FAM91A1: variants seen among roughly 807,000 people sequenced by gnomAD.
FAM91A1 encodes the protein protein FAM91A1.
In FAM91A1, 41 loss-of-function variants were observed where a neutral mutation model predicts 113.5. The ratio of observed to expected loss-of-function variants is 0.36; its 90% CI spans 0.28 to 0.47. The LOEUF is 0.47. FAM91A1 is among the 20% of genes least tolerant of loss of function. FAM91A1 has a pLI of 1.00. For synonymous variants in FAM91A1, 307 were observed against 347.9 expected, an observed-to-expected ratio of 0.88 and a Z score of 1.31; for missense variants, 696 against 1,001.2, an observed-to-expected ratio of 0.70 and a Z score of 4.11.
Position 123,808,428 on chromosome 8 carries a change from A to G in FAM91A1, c.2137+52A>G, listed in dbSNP as rs1815867262. On this transcript the variant is annotated intron_variant, in intron 21 of 23. Coordinates refer to ENST00000334705, the MANE Select transcript of FAM91A1 (RefSeq NM_144963.4). ...TTATTAGACTAATTTCTGAGGTTTA[A>G]CTTTTATGTTAAGGCATTTGCATGC... The G allele has an allele frequency of 2.7e-6, 4 of 1,483,104 alleles. No individual in the cohort carries two copies. The African/African-American group carries it at 5.6e-5, about 21-fold the overall frequency. The allele number at this position is 1,483,104 out of a possible 1,614,324, so 91.9% of individuals were successfully genotyped here.
chr8:123,785,792 C>T (rs1815238802), intron 11 of FAM91A1, 51 bp downstream of exon 11: 3 of 1,023,906 alleles, frequency 2.9e-6, no homozygotes, highest in Non-Finnish European at 4.2e-6. Context: ...TTTGAAAAGA[C>T]ATTTAATTTT....
rs187933162 is a variant in FAM91A1, at chr8:123,810,300, T to C, written c.2280T>C (p.His760=). 190 of 1,611,436 alleles carry C rather than the reference T, an allele frequency of 1.2e-4. No homozygotes were observed. In the East Asian group the frequency reaches 3.9e-3, roughly 33 times the overall value. ...TTTTCAGCCTTCAAAACCTCTTACATTCCAGTAGAAAACTCTCTCTGCAAG... is the reference window on the plus strand; with the variant it reads ...TTTTCAGCCTTCAAAACCTCTTACACTCCAGTAGAAAACTCTCTCTGCAAG... ...CRKESLQNLL[H]SSRKLSLQVL... is the part of the protein sequence containing the mutation. Residue 760 remains histidine, a synonymous_variant, in exon 23 of 24, where the codon CAT becomes CAC. Transcript: ENST00000334705.
chr8:123,772,816 A>G (rs1814887290), intron 1 of FAM91A1, among the ~76,000 whole-genome samples: 1 of 152,218 alleles, frequency 6.6e-6, no homozygotes, highest in Non-Finnish European at 1.5e-5. Context: ...TGTATGTTAT[A>G]TATATTGTTA....
chr8:123,775,164 G>T lies in FAM91A1; in HGVS notation c.175G>T (p.Asp59Tyr). 2 of 1,608,168 alleles carry T rather than the reference G, an allele frequency of 1.2e-6. No homozygotes were observed. The highest frequency in any genetic ancestry group is 1.7e-6 in the Non-Finnish European group (2 of 1,177,252). Residue 59 changes from aspartate to tyrosine, a missense_variant, in exon 3 of 24, where the codon GAT becomes TAT. By Grantham distance (160) the Asp-to-Tyr change is radical. Coordinates refer to ENST00000334705, the MANE Select transcript of FAM91A1 (RefSeq NM_144963.4). The stretch of plus-strand genomic sequence containing the variant: ...TTGTGCAGTTAAACATGTCAAGAAA[G>T]ATGAACGCAGATACTATGAGGAACT... ...RNNLVKHVKK[D>Y]ERRYYEELLK...
At chr8:123,799,675 T>C in intron 17 of FAM91A1, 21 bp downstream of exon 17, 1 of 1,612,962 alleles carries the variant, frequency 6.2e-7, no homozygotes, top group African/African-American at 1.3e-5. Flanking sequence ...GAGGTTTGGG[T>C]GGTTTTTTTA....
chr8:123,784,978 T>A (rs371836982), intron 9 of FAM91A1, 103 bp from the exon 10 acceptor site: 9 of 774,388 alleles, frequency 1.2e-5, no homozygotes, highest in East Asian at 2.8e-5. Context: ...TAATTATTCA[T>A]AACTTAAAAT....
chr8:123,791,709 T>C (rs1815389308), intron 15 of FAM91A1, among the ~76,000 whole-genome samples: 1 of 152,174 alleles, frequency 6.6e-6, no homozygotes, highest in Admixed American at 6.6e-5. Context: ...CGTGACTATT[T>C]CTCAGTTTTT....
chr8:123,810,376 T>C (rs199894072), intron 23 of FAM91A1, 25 bp downstream of exon 23: 1 of 1,605,732 alleles, frequency 6.2e-7, no homozygotes, highest in Non-Finnish European at 8.5e-7. Flanking sequence ...AAAGTCCAAA[T>C]GGTACTTGTA....
At chr8:123,808,647 C>A in intron 21 of FAM91A1, 1 of 503,766 alleles carries the variant, frequency 2.0e-6, no homozygotes, top group East Asian at 3.3e-5. Flanking sequence ...CAAATGACTA[C>A]TTTGAACATT....
At position 123,814,877 on chromosome 8, in the gene FAM91A1, G is replaced by A. The variant is rs1236526744; in HGVS notation, c.*2173G>A. ...AAGGTAAATTTAAAATGCAGACTTT[G>A]TTATTTGCCAAAGAAGATTCATGAA... On this transcript the variant is annotated 3_prime_UTR_variant, in exon 24 of 24. Coordinates refer to ENST00000334705, the MANE Select transcript of FAM91A1 (RefSeq NM_144963.4). 1 of 152,576 alleles carries A rather than the reference G, an allele frequency of 6.6e-6. No homozygotes were observed. The highest frequency in any genetic ancestry group is 2.4e-5 in the African/African-American group (1 of 41,446). The allele number at this position is 152,576 out of a possible 1,614,324, so 9.5% of individuals were successfully genotyped here.
At chr8:123,777,030 G>T (rs1392405191) in intron 3 of FAM91A1, among the ~76,000 whole-genome samples, 1 of 152,162 alleles carries the variant, frequency 6.6e-6, no homozygotes, top group Non-Finnish European at 1.5e-5. Flanking sequence ...AGCTGCCTGG[G>T]ATTCGTAGAG....
At chr8:123,805,910 A>T (rs1815791499) in intron 19 of FAM91A1, among the ~76,000 whole-genome samples, 170 bp from the exon 20 acceptor site, 1 of 152,212 alleles carries the variant, frequency 6.6e-6, no homozygotes, top group Admixed American at 6.5e-5. Flanking sequence ...GTACATTGTT[A>T]GCTTTAGTTT....
Position 123,807,419 on chromosome 8 carries a change from G to C in FAM91A1, c.2033-853G>C, listed in dbSNP as rs550575810. On this transcript the variant is annotated intron_variant, in intron 20 of 23. Coordinates refer to ENST00000334705, the MANE Select transcript of FAM91A1 (RefSeq NM_144963.4). ...AGTCCTCTGGGAGGCTAAAGCAGGA[G>C]TATTGCTTGAGGCTAGCAGTTTGAG... is the stretch of plus-strand genomic sequence containing the variant. 2.2e-5 allele frequency among the ~76,000 whole-genome samples: 3 copies of C among 134,656 alleles called. No homozygotes were observed. In the East Asian group the frequency reaches 7.4e-4, roughly 33 times the overall value. 88.3% of individuals were successfully genotyped at this position (134,656 alleles called of 152,430 possible).
chr8:123,786,301 C>T, intron 11 of FAM91A1, 194 bp from the exon 12 acceptor site: 1 of 525,954 alleles, frequency 1.9e-6, no homozygotes, highest in Non-Finnish European at 3.4e-6. Flanking sequence ...TTTCTGAAGC[C>T]TATCCGTGGA....
chr8:123,795,032 A>G (rs1008628270), intron 15 of FAM91A1, among the ~76,000 whole-genome samples: 2 of 152,218 alleles, frequency 1.3e-5, no homozygotes, highest in East Asian at 3.8e-4. Flanking sequence ...ATGTGGGTGC[A>G]GGATTACTAT....
At chr8:123,787,841 A>G in intron 14 of FAM91A1, 91 bp downstream of exon 14, 1 of 1,007,716 alleles carries the variant, frequency 9.9e-7, no homozygotes, top group South Asian at 1.7e-5. Context: ...GTTGATTTGG[A>G]TGGGCTTTCA....
chr8:123,785,847 T>C, intron 11 of FAM91A1, 106 bp downstream of exon 11: 1 of 682,976 alleles, frequency 1.5e-6, no homozygotes, highest in South Asian at 2.4e-5. Flanking sequence ...AGACAAAGTC[T>C]CTCTCTGTCA....
intron 15 of FAM91A1, among the ~76,000 whole-genome samples, chr8:123,797,002 A>G (rs976626285): frequency 3.3e-5 from 5 of 151,802 alleles, no homozygotes; most frequent in Admixed American, 6.6e-5. Context: ...CAGAGGTTGC[A>G]GGGAGCCGAG....
intron 3 of FAM91A1, 143 bp downstream of exon 3, chr8:123,775,441 G>A: frequency 2.0e-6 from 2 of 989,784 alleles, no homozygotes; most frequent in Non-Finnish European, 3.0e-6. Flanking sequence ...ACTATTGGTG[G>A]CTTGTTAACT....
Sources: allele counts gnomAD v4.1 joint callset (sites outside exome capture counted in the v4.1 genomes callset), GRCh38; gene constraint gnomAD v4.1.1; transcripts MANE v1.5; gene names NCBI Gene and HGNC (gene_info 2026-07-23, HGNC 2026-07-21).